PDE8B: variants seen among roughly 807,000 people sequenced by gnomAD.
PDE8B encodes high affinity cAMP-specific and IBMX-insensitive 3',5'-cyclic phosphodiesterase 8B.
In PDE8B, 26 loss-of-function variants were observed where a neutral mutation model predicts 101.3. The ratio of observed to expected loss-of-function variants is 0.26; its 90% CI spans 0.19 to 0.36. The LOEUF is 0.36. Ranked by LOEUF, PDE8B falls within the 10% of genes least tolerant of loss-of-function variation. PDE8B has a pLI of 1.00. For missense variants in PDE8B, 810 were observed against 1,163.1 expected (o/e 0.70, Z 4.42); for synonymous variants, 424 against 429.3 (o/e 0.99, Z 0.15).
intron 6 of PDE8B, among the ~76,000 whole-genome samples, chr5:77,341,359 T>C (rs1034772025): frequency 1.3e-5 from 2 of 152,192 alleles, no homozygotes; most frequent in African/African-American, 4.8e-5. Flanking sequence ...TTTATACTTA[T>C]TGAAAATTTC....
At chr5:77,159,348 A>T in the PDE8B span, among the ~76,000 whole-genome samples, 7 of 152,336 alleles carry the variant, frequency 4.6e-5, no homozygotes, top group Middle Eastern at 3.4e-3. Flanking sequence ...TCTGGTGGGC[A>T]CAATCTAATC....
intron 11 of PDE8B, among the ~76,000 whole-genome samples, chr5:77,401,990 T>TA (rs1186180564): frequency 6.6e-6 from 1 of 152,220 alleles, no homozygotes; most frequent in Admixed American, 6.5e-5. Flanking sequence ...GCCTTGAAGC[T>TA]AACCTCTCTT....
At chr5:77,249,919 G>A (rs974489794) in intron 1 of PDE8B, among the ~76,000 whole-genome samples, 1 of 152,200 alleles carries the variant, frequency 6.6e-6, no homozygotes, top group Non-Finnish European at 1.5e-5. Flanking sequence ...ATTACAAGTC[G>A]ATGCAAGCCT....
the PDE8B span, among the ~76,000 whole-genome samples, chr5:77,139,034 G>A: frequency 2.0e-5 from 3 of 152,070 alleles, no homozygotes; most frequent in Admixed American, 1.3e-4. Context: ...TGACTCCCAC[G>A]GCCCCTCCTG....
chr5:77,253,410 G>A (rs1302471420), intron 1 of PDE8B, among the ~76,000 whole-genome samples: 1 of 152,036 alleles, frequency 6.6e-6, no homozygotes, highest in Non-Finnish European at 1.5e-5. Flanking sequence ...CACATCTTTG[G>A]ATTCCAAATT....
rs544368038 is a variant in PDE8B, at chr5:77,238,534, C to T, written c.339+27270C>T. On this transcript the variant is annotated intron_variant, in intron 1 of 21. Transcript: ENST00000264917. ...TTGCTTAGTCTTTGTCAGATAATTC[C>T]AGCATCTTTGTCATTTTTGTGTTGA... Among the ~76,000 whole-genome samples, 8 of 152,226 alleles carry T rather than the reference C, an allele frequency of 5.3e-5. No homozygotes were observed. The East Asian group carries it at 1.5e-3, about 29-fold the overall frequency.
intron 1 of PDE8B, among the ~76,000 whole-genome samples, chr5:77,226,943 G>T (rs2149465284): frequency 6.6e-6 from 1 of 152,252 alleles, no homozygotes; most frequent in Admixed American, 6.5e-5. Flanking sequence ...AAGAATAGTG[G>T]CTGCCTTTTC....
intron 6 of PDE8B, among the ~76,000 whole-genome samples, chr5:77,339,362 A>G (rs1023657103): frequency 6.6e-6 from 1 of 152,122 alleles, no homozygotes. Context: ...TGGCACAGAG[A>G]TTATCTTGCC....
At position 77,211,181 on chromosome 5, in the gene PDE8B, G is replaced by T. The variant is rs758415005; in HGVS notation, c.256G>T (p.Ala86Ser). ...SGSSAGSAAP[A>S]ATTSRGRRRH... ...TAGCAGCGCGGGTTCCGCAGCCCCC[G>T]CCGCGACCACCAGCAGGGGCCGGAG... Residue 86 changes from alanine (A) to serine (S), a missense_variant, in exon 1 of 22, where the codon GCC (alanine) becomes TCC (serine). Ala to Ser is a moderately conservative substitution (Grantham distance 99, BLOSUM62 1). Transcript: ENST00000264917. The surrounding 1 kb of genome is among the most constrained non-coding windows in gnomAD (Gnocchi z 4.1). The T allele has an allele frequency of 6.5e-7, 1 of 1,543,390 alleles. No homozygotes were observed. The highest frequency in any genetic ancestry group is 1.9e-5 in the Admixed American group (1 of 52,790).
Position 77,210,925 on chromosome 5 carries a change from G to T in PDE8B, c.-1G>T. Reference sequence around the variant, plus strand: ...GGCGCGCGGGGGAGCCCGGCCGAGGGATGGGCTGCGCCCCCAGCATCCATG... The same window carrying T: ...GGCGCGCGGGGGAGCCCGGCCGAGGTATGGGCTGCGCCCCCAGCATCCATG... On this transcript the variant is annotated 5_prime_UTR_variant, in exon 1 of 22. Coordinates refer to ENST00000264917, the MANE Select transcript of PDE8B (RefSeq NM_003719.5). This position sits in a 1 kb window ranked among gnomAD's most constrained non-coding sequence, Gnocchi z 4.9. 2 of 1,447,628 alleles carry T rather than the reference G, an allele frequency of 1.4e-6. No individual in the cohort carries two copies. Among genetic ancestry groups the T allele is most frequent in the Non-Finnish European group, 1.8e-6 (2 of 1,102,528 alleles). The allele number at this position is 1,447,628 out of a possible 1,614,324, so 89.7% of individuals were successfully genotyped here. A position where few individuals can be genotyped will look rare whatever the true frequency, so the allele number is the denominator to read the frequency against.
intron 10 of PDE8B, among the ~76,000 whole-genome samples, chr5:77,355,243 C>T (rs1355711151): frequency 2.0e-5 from 3 of 152,202 alleles, no homozygotes; most frequent in South Asian, 2.1e-4. Context: ...AGCTGCTGCT[C>T]CTAGAAAAGA....
rs1437105462 is a variant in PDE8B, at chr5:77,375,897, T to TTTTC, written c.1167+22494_1167+22495insCTTT. Among the ~76,000 whole-genome samples the TTTTC allele has an allele frequency of 2.8e-5, 4 of 144,150 alleles. No homozygotes were observed. In the East Asian group the frequency reaches 8.0e-4, roughly 29 times the overall value. The allele number at this position is 144,150 out of a possible 152,430, so 94.6% of individuals were successfully genotyped here. ...ACTTTGTGCCTTGATTTCTTTTTTTTTTTTTTTTTTTTGAGGCGGAGTTTT... is the reference window on the plus strand; with the variant it reads ...ACTTTGTGCCTTGATTTCTTTTTTTTTTTCTTTTTTTTTTTTGAGGCGGAGTTTT... On this transcript the variant is annotated intron_variant, in intron 10 of 21. Transcript: ENST00000264917.
chr5:77,200,307 C>G, the PDE8B span, among the ~76,000 whole-genome samples: 19 of 152,106 alleles, frequency 1.2e-4, no homozygotes, highest in African/African-American at 4.6e-4. Flanking sequence ...TCAGAAATGG[C>G]AACCTTTTGG....
intron 1 of PDE8B, among the ~76,000 whole-genome samples, chr5:77,235,983 A>G (rs371391610): frequency 1.3e-5 from 2 of 152,326 alleles, no homozygotes; most frequent in South Asian, 2.1e-4. Flanking sequence ...ATTTAAGGTC[A>G]CACCACCAGG....
intron 1 of PDE8B, among the ~76,000 whole-genome samples, chr5:77,277,461 G>A (rs1038498871): frequency 6.6e-6 from 1 of 152,190 alleles, no homozygotes; most frequent in Non-Finnish European, 1.5e-5. Context: ...TCTTCTGACA[G>A]TGGCAACATC....
At chr5:77,130,070 C>T in the PDE8B span, among the ~76,000 whole-genome samples, 26 of 152,212 alleles carry the variant, frequency 1.7e-4, no homozygotes, top group Non-Finnish European at 3.5e-4. Context: ...CTATGCTGAT[C>T]AGAACCTATA....
chr5:77,178,422 C>G, the PDE8B span, among the ~76,000 whole-genome samples: 3 of 152,266 alleles, frequency 2.0e-5, no homozygotes, highest in Middle Eastern at 3.4e-3. Flanking sequence ...TCAGCCTGCA[C>G]TTAATGCTTT....
chr5:77,373,668 T>C (rs1024552483), intron 10 of PDE8B, among the ~76,000 whole-genome samples: 1 of 152,208 alleles, frequency 6.6e-6, no homozygotes, highest in South Asian at 2.1e-4. Context: ...CATTTATCAG[T>C]TTATTTTCTT....
the PDE8B span, among the ~76,000 whole-genome samples, chr5:77,149,730 G>A: frequency 3.6e-4 from 55 of 152,112 alleles, 1 homozygote; most frequent in East Asian, 5.4e-3. Flanking sequence ...TAAATTCTTC[G>A]ATTAGTTCTA....
Sources: allele counts gnomAD v4.1 joint callset (sites outside exome capture counted in the v4.1 genomes callset), GRCh38; gene constraint gnomAD v4.1.1; non-coding constraint Gnocchi (gnomAD v3.1); transcripts MANE v1.5; gene names NCBI Gene and HGNC (gene_info 2026-07-23, HGNC 2026-07-21).